The following TJP1 variants were observed in gnomAD, a reference collection of about 807,000 sequenced individuals.
The protein encoded by TJP1 is tight junction protein 1, also known as tight junction protein ZO-1.
TJP1 carries 43 observed loss-of-function variants against 194.2 expected under a neutral mutation model. That is an observed-to-expected ratio of 0.22 (90% CI 0.17 to 0.29). The LOEUF is 0.29. Among genes scored for constraint, TJP1 ranks in the 10% least tolerant of loss-of-function variants. The pLI is 1.00. For synonymous variants in TJP1, 801 were observed against 779.0 expected (o/e 1.03, Z -0.47); for missense variants, 1,971 against 2,185.7 (o/e 0.90, Z 1.96).
At chr15:29,966,900 T>C (rs2056353206) in intron 1 of TJP1, among the ~76,000 whole-genome samples, 1 of 152,224 alleles carries the variant, frequency 6.6e-6, no homozygotes, top group African/African-American at 2.4e-5. Flanking sequence ...CCTTCTTCCT[T>C]CACTGTAGTG....
intron 1 of TJP1, among the ~76,000 whole-genome samples, chr15:29,958,512 C>G (rs941385515): frequency 6.6e-6 from 1 of 152,144 alleles, no homozygotes; most frequent in Non-Finnish European, 1.5e-5. Context: ...ATTGAGTTTA[C>G]TTTGTCCTCA....
chr15:29,884,756 T>C (rs1368480797), intron 2 of TJP1, among the ~76,000 whole-genome samples: 1 of 152,108 alleles, frequency 6.6e-6, no homozygotes, highest in Non-Finnish European at 1.5e-5. Flanking sequence ...AGATGAGACA[T>C]TACACAAAGA....
intron 2 of TJP1, among the ~76,000 whole-genome samples, chr15:29,945,797 A>ACG (rs2055259382): frequency 1.0e-5 from 1 of 97,156 alleles, no homozygotes; most frequent in Non-Finnish European, 2.4e-5. Flanking sequence ...ACACACACAC[A>ACG]CACGCACACA....
chr15:29,919,007 T>C (rs1204613617), intron 2 of TJP1, among the ~76,000 whole-genome samples: 1 of 152,048 alleles, frequency 6.6e-6, no homozygotes, highest in Non-Finnish European at 1.5e-5. Flanking sequence ...AAATAGACCA[T>C]ACAAGGCACA....
chr15:29,710,717 C>T, intron 24 of TJP1, 114 bp downstream of exon 24: 2 of 1,346,332 alleles, frequency 1.5e-6, no homozygotes, highest in East Asian at 2.3e-5. Flanking sequence ...CTGTTCCCAG[C>T]CCAAAGGTTT....
chr15:29,925,722 G>A (rs2054504225), intron 2 of TJP1, among the ~76,000 whole-genome samples: 2 of 152,142 alleles, frequency 1.3e-5, no homozygotes, highest in South Asian at 4.1e-4. Flanking sequence ...CAGCTCTTCT[G>A]ACAGGTAGAC....
intron 2 of TJP1, among the ~76,000 whole-genome samples, chr15:29,881,233 T>C (rs711356): frequency 0.087 from 13,320 of 152,298 alleles, 659 homozygotes; most frequent in Middle Eastern, 0.11. Flanking sequence ...TTGGCCATTT[T>C]TGTATGTCTC....
intron 2 of TJP1, among the ~76,000 whole-genome samples, chr15:29,889,455 G>A (rs866849671): frequency 6.6e-5 from 10 of 152,126 alleles, no homozygotes; most frequent in African/African-American, 2.4e-4. Flanking sequence ...CTTATTTTAT[G>A]CAAAAATAAT....
At chr15:29,827,729 GAT>G (rs750522041) in intron 2 of TJP1, among the ~76,000 whole-genome samples, 5 of 152,154 alleles carry the variant, frequency 3.3e-5, no homozygotes, top group Non-Finnish European at 5.9e-5. Flanking sequence ...GACAAGTCAG[GAT>G]GGAAACCCTG....
At chr15:29,967,141 G>A (rs1376738537) in intron 1 of TJP1, among the ~76,000 whole-genome samples, 4 of 151,654 alleles carry the variant, frequency 2.6e-5, no homozygotes, top group African/African-American at 9.7e-5. Flanking sequence ...AGCCTCCCAA[G>A]TAGCTGAGAT....
intron 2 of TJP1, among the ~76,000 whole-genome samples, chr15:29,773,585 G>C (rs1168870576): frequency 6.6e-6 from 1 of 152,062 alleles, no homozygotes; most frequent in African/African-American, 2.4e-5. Context: ...CTATATACAT[G>C]TTCTTTAAAA....
intron 2 of TJP1, among the ~76,000 whole-genome samples, chr15:29,881,996 G>T (rs1412089413): frequency 1.3e-5 from 2 of 151,760 alleles, no homozygotes; most frequent in Non-Finnish European, 2.9e-5. Flanking sequence ...CATTGTTAGG[G>T]TGGTTTCAAA....
chr15:29,905,828 G>A (rs1379192572), intron 2 of TJP1, among the ~76,000 whole-genome samples: 4 of 152,332 alleles, frequency 2.6e-5, no homozygotes, highest in Middle Eastern at 3.4e-3. Context: ...AACTGTGACT[G>A]TGAAGATTAG....
intron 8 of TJP1, among the ~76,000 whole-genome samples, chr15:29,755,998 G>T (rs1181037884): frequency 6.6e-6 from 1 of 151,988 alleles, no homozygotes; most frequent in Non-Finnish European, 1.5e-5. Flanking sequence ...CAATGTTAGA[G>T]GGAAACATAA....
chr15:29,737,530 C>T, intron 10 of TJP1, 116 bp from the exon 11 acceptor site: 1 of 1,076,016 alleles, frequency 9.3e-7, no homozygotes. Flanking sequence ...TCTAAAACTT[C>T]TCTCATACCA....
intron 2 of TJP1, among the ~76,000 whole-genome samples, chr15:29,949,245 T>TCAC (rs1225853931): frequency 3.0e-5 from 1 of 33,408 alleles, no homozygotes; most frequent in Non-Finnish European, 5.6e-5. Flanking sequence ...ACCTCCACCT[T>TCAC]CACCACCACC....
intron 2 of TJP1, among the ~76,000 whole-genome samples, chr15:29,797,914 GAGCAC>G (rs1266410598): frequency 5.3e-5 from 8 of 152,194 alleles, no homozygotes; most frequent in African/African-American, 1.9e-4. Flanking sequence ...GACAACAAAT[GAGCAC>G]ATCAAGAGAT....
intron 2 of TJP1, among the ~76,000 whole-genome samples, chr15:29,836,176 T>C (rs2051021548): frequency 6.6e-6 from 1 of 152,132 alleles, no homozygotes; most frequent in Non-Finnish European, 1.5e-5. Flanking sequence ...TATCCTCACC[T>C]CAAAGGAAAT....
intron 2 of TJP1, among the ~76,000 whole-genome samples, chr15:29,900,930 T>C (rs2053614706): frequency 1.3e-5 from 2 of 152,136 alleles, no homozygotes; most frequent in Non-Finnish European, 2.9e-5. Flanking sequence ...AAGATTCAGA[T>C]GTCAGCAGGG....
Sources: allele counts gnomAD v4.1 joint callset (sites outside exome capture counted in the v4.1 genomes callset), GRCh38; gene constraint gnomAD v4.1.1; transcripts MANE v1.5; gene names NCBI Gene and HGNC (gene_info 2026-07-23, HGNC 2026-07-21).